FRMD4A: variants seen among roughly 807,000 people sequenced by gnomAD.
The protein encoded by FRMD4A is FERM domain containing 4A.
Under a neutral mutation model 129.1 loss-of-function variants are expected in FRMD4A, and 29 were observed. The observed-to-expected ratio is 0.22, with a 90% CI of 0.17 to 0.31. The LOEUF (loss-of-function observed/expected upper bound fraction) is 0.31. Ranked by LOEUF, FRMD4A falls within the 10% of genes least tolerant of loss-of-function variation. FRMD4A has a pLI of 1.00. For synonymous variants in FRMD4A, 634 were observed against 571.6 expected (o/e 1.11, Z -1.56); for missense variants, 1,272 against 1,375.8 (o/e 0.92, Z 1.19).
chr10:13,770,814 G>T (rs543613009), intron 6 of FRMD4A, among the ~76,000 whole-genome samples: 2 of 152,264 alleles, frequency 1.3e-5, no homozygotes, highest in Admixed American at 6.5e-5. Flanking sequence ...TTTCTTGAAA[G>T]TTGAAAAAGA....
At chr10:13,793,380 C>T (rs1048858061) in intron 5 of FRMD4A, among the ~76,000 whole-genome samples, 17 of 152,086 alleles carry the variant, frequency 1.1e-4, no homozygotes, top group African/African-American at 4.1e-4. Context: ...CCATGTTGGC[C>T]GGGCTGGTCT....
chr10:13,958,162 A>G (rs2095421243), intron 2 of FRMD4A, among the ~76,000 whole-genome samples: 1 of 151,772 alleles, frequency 6.6e-6, no homozygotes, highest in Non-Finnish European at 1.5e-5. Context: ...TGCAGCAAAG[A>G]CTGTCTCCTA....
At chr10:13,931,999 T>C (rs1169530452) in intron 2 of FRMD4A, among the ~76,000 whole-genome samples, 3 of 146,064 alleles carry the variant, frequency 2.1e-5, no homozygotes, top group Admixed American at 6.9e-5. Context: ...ACCAACCCCC[T>C]TCTACACAAT....
intron 2 of FRMD4A, among the ~76,000 whole-genome samples, chr10:14,067,231 G>A (rs886633230): frequency 6.6e-5 from 10 of 151,406 alleles, no homozygotes; most frequent in Admixed American, 6.6e-4. Flanking sequence ...CAGGAGAATC[G>A]CTTGAACCCA....
intron 2 of FRMD4A, among the ~76,000 whole-genome samples, chr10:14,060,922 A>C: frequency 6.6e-6 from 1 of 152,320 alleles, no homozygotes; most frequent in South Asian, 2.1e-4. Flanking sequence ...GAGTAATGTT[A>C]ATAGACTGAC....
chr10:14,026,372 C>T lies in FRMD4A; in HGVS notation c.46-167460G>A, dbSNP rs547295219. Among the ~76,000 whole-genome samples, 14 of 152,324 alleles carry T rather than the reference C, an allele frequency of 9.2e-5. No individual in the cohort carries two copies. The South Asian group carries it at 2.9e-3, about 32-fold the overall frequency. Reference sequence around the variant, plus strand: ...AAGATAAAGAAATGGACAAAAAGCACTGTATTATTTCAAAAGCAGATTTGG... The same window carrying T: ...AAGATAAAGAAATGGACAAAAAGCATTGTATTATTTCAAAAGCAGATTTGG... On this transcript the variant is annotated intron_variant, in intron 2 of 24. Transcript: ENST00000357447.
At chr10:13,991,093 G>A (rs986430607) in intron 2 of FRMD4A, among the ~76,000 whole-genome samples, 2 of 152,148 alleles carry the variant, frequency 1.3e-5, no homozygotes, top group Non-Finnish European at 2.9e-5. Context: ...TGTGCTTGGC[G>A]TGCCTGGGCT....
intron 19 of FRMD4A, among the ~76,000 whole-genome samples, 155 bp downstream of exon 19, chr10:13,663,298 G>C (rs10796108): frequency 1.3e-5 from 2 of 151,462 alleles, no homozygotes; most frequent in Non-Finnish European, 3.0e-5. Flanking sequence ...CCCAACCAAA[G>C]AGGTGAATAC....
intron 12 of FRMD4A, among the ~76,000 whole-genome samples, chr10:13,715,765 G>T (rs12413816): frequency 0.32 from 48,694 of 151,788 alleles, 8,993 homozygotes; most frequent in East Asian, 0.51. Flanking sequence ...AATTAGCAAG[G>T]CGTGGTGGCA....
chr10:13,662,937 G>A (rs1480297088), intron 19 of FRMD4A, among the ~76,000 whole-genome samples: 2 of 152,066 alleles, frequency 1.3e-5, no homozygotes, highest in African/African-American at 4.8e-5. Flanking sequence ...GCCAGGTATG[G>A]TGGCTCCTGC....
At chr10:13,906,817 G>T (rs1055251143) in intron 2 of FRMD4A, among the ~76,000 whole-genome samples, 1 of 152,124 alleles carries the variant, frequency 6.6e-6, no homozygotes, top group African/African-American at 2.4e-5. Context: ...CGCCCTGCTC[G>T]TGTGTGAATA....
chr10:14,120,016 C>G (rs1168033337), intron 2 of FRMD4A, among the ~76,000 whole-genome samples: 1 of 130,410 alleles, frequency 7.7e-6, no homozygotes, highest in Non-Finnish European at 1.6e-5. Flanking sequence ...TTTTTTTTTC[C>G]TGGGCAACTA....
At chr10:13,867,724 TATATAATAAATAACATATA>T (rs1257840306) in intron 2 of FRMD4A, among the ~76,000 whole-genome samples, 4 of 107,346 alleles carry the variant, frequency 3.7e-5, no homozygotes, top group East Asian at 2.4e-4. Context: ...TATAATATAA[TATATAATAAATAACATATA>T]ATATAATATA....
rs117692581 is a variant in FRMD4A at position 14,286,038 on chromosome 10, G to A, written c.45+44020C>T. Among the ~76,000 whole-genome samples the A allele has an allele frequency of 6.2e-4, 95 of 152,354 alleles. 2 individuals carry two copies. The East Asian group carries it at 0.015, about 24-fold the overall frequency. ...CCAAGATATCACAGCAGTGCAACAT[G>A]TGGATCATTAGAATTCTTCTCATGT... On this transcript the variant is annotated intron_variant, in intron 2 of 24. Coordinates refer to ENST00000357447, the MANE Select transcript of FRMD4A (RefSeq NM_018027.5).
At chr10:14,264,669 G>T (rs1246696513) in intron 2 of FRMD4A, among the ~76,000 whole-genome samples, 1 of 152,064 alleles carries the variant, frequency 6.6e-6, no homozygotes, top group Non-Finnish European at 1.5e-5. Flanking sequence ...AATATCTATT[G>T]TTTTAAAATT....
chr10:14,048,907 T>TAGAATAG (rs1211439981), intron 2 of FRMD4A, among the ~76,000 whole-genome samples: 1 of 144,976 alleles, frequency 6.9e-6, no homozygotes, highest in Non-Finnish European at 1.5e-5. Flanking sequence ...GAATAGAAAA[T>TAGAATAG]AAAATGAAAT....
At chr10:13,900,328 T>C (rs1405711669) in intron 2 of FRMD4A, among the ~76,000 whole-genome samples, 2 of 148,766 alleles carry the variant, frequency 1.3e-5, no homozygotes, top group East Asian at 5.4e-4. Flanking sequence ...TGTGTTCTCA[T>C]TACATTAGAT....
intron 2 of FRMD4A, among the ~76,000 whole-genome samples, chr10:13,956,251 G>C (rs2447023): frequency 0.8 from 122,000 of 152,182 alleles, 49,534 homozygotes; most frequent in East Asian, 0.98. Context: ...CTCCCAGGTT[G>C]AAGTGATTCT....
At chr10:14,287,168 G>A (rs1845708284) in intron 2 of FRMD4A, among the ~76,000 whole-genome samples, 1 of 152,124 alleles carries the variant, frequency 6.6e-6, no homozygotes, top group Non-Finnish European at 1.5e-5. Flanking sequence ...CATGCTCTCA[G>A]GTGGTCATCA....
Sources: gnomAD v4.1 joint callset for allele counts (sites outside exome capture counted in the v4.1 genomes callset) on GRCh38, gnomAD v4.1.1 for gene constraint, MANE v1.5 for transcripts, NCBI Gene and HGNC (gene_info 2026-07-23, HGNC 2026-07-21) for gene names.